The following SYT14 variants were observed in gnomAD, a reference collection of about 807,000 sequenced individuals.
SYT14 encodes the protein synaptotagmin-14.
Under a neutral mutation model 74.2 loss-of-function variants are expected in SYT14, and 32 were observed. That is an observed-to-expected ratio of 0.43 (90% CI 0.33 to 0.58). SYT14 has a LOEUF of 0.58. Ranked by LOEUF, SYT14 falls within the 20% of genes least tolerant of loss-of-function variation. The pLI is 0.05. For synonymous variants in SYT14, 298 were observed against 337.7 expected, an observed-to-expected ratio of 0.88 and a Z score of 1.29; for missense variants, 791 against 981.8, an observed-to-expected ratio of 0.81 and a Z score of 2.60.
At chr1:209,943,676 G>A (rs1000734861) in intron 1 of SYT14, among the ~76,000 whole-genome samples, 1 of 152,078 alleles carries the variant, frequency 6.6e-6, no homozygotes, top group African/African-American at 2.4e-5. Flanking sequence ...CATAGTATAT[G>A]TGTGGTAGTA....
chr1:210,054,455 ATTC>A (rs1445389794), intron 5 of SYT14, among the ~76,000 whole-genome samples: 1 of 152,184 alleles, frequency 6.6e-6, no homozygotes, highest in Non-Finnish European at 1.5e-5. Flanking sequence ...CACTAAGGAT[ATTC>A]TTTTCTTCCA....
intron 7 of SYT14, among the ~76,000 whole-genome samples, chr1:210,124,214 T>C (rs752018089): frequency 1.6e-4 from 25 of 151,646 alleles, no homozygotes; most frequent in South Asian, 6.3e-4. Flanking sequence ...CAGAAAAAGT[T>C]TGCTAACCCA....
chr1:209,955,564 C>G (rs1322474266), intron 2 of SYT14, among the ~76,000 whole-genome samples: 1 of 152,046 alleles, frequency 6.6e-6, no homozygotes, highest in African/African-American at 2.4e-5. Context: ...TCATAGTTTT[C>G]TAACTGGTTT....
chr1:210,015,080 A>C (rs1432738354), intron 3 of SYT14, among the ~76,000 whole-genome samples: 3 of 152,120 alleles, frequency 2.0e-5, no homozygotes, highest in Non-Finnish European at 2.9e-5. Context: ...ATCATCTTTA[A>C]ATTTTACAAA....
chr1:210,148,680 A>G (rs1408676755), intron 7 of SYT14, among the ~76,000 whole-genome samples: 3 of 152,220 alleles, frequency 2.0e-5, no homozygotes, highest in Non-Finnish European at 4.4e-5. Context: ...GATTATCATT[A>G]AAGAAATTCA....
intron 5 of SYT14, among the ~76,000 whole-genome samples, chr1:210,079,514 T>C (rs770104589): frequency 1.8e-4 from 27 of 152,168 alleles, no homozygotes; most frequent in Non-Finnish European, 3.5e-4. Flanking sequence ...CAAAAACCAC[T>C]TGTGGCTCAT....
chr1:210,125,164 A>G (rs1455538795), intron 7 of SYT14, among the ~76,000 whole-genome samples: 1 of 152,004 alleles, frequency 6.6e-6, no homozygotes, highest in Non-Finnish European at 1.5e-5. Flanking sequence ...CCCATCACCC[A>G]AGTAGTGAGC....
At chr1:209,963,915 C>T (rs2079114086) in intron 2 of SYT14, among the ~76,000 whole-genome samples, 1 of 152,172 alleles carries the variant, frequency 6.6e-6, no homozygotes, top group South Asian at 2.1e-4. Flanking sequence ...ATATTAATCT[C>T]TAACTGATCA....
intron 1 of SYT14, among the ~76,000 whole-genome samples, chr1:209,938,803 C>T (rs540314919): frequency 6.6e-6 from 1 of 152,122 alleles, no homozygotes; most frequent in Non-Finnish European, 1.5e-5. Context: ...GGGTTACACT[C>T]TCTGCCCGTT....
intron 2 of SYT14, among the ~76,000 whole-genome samples, chr1:209,956,852 GTTGTT>G (rs552370421): frequency 3.9e-5 from 6 of 152,048 alleles, no homozygotes; most frequent in South Asian, 2.1e-4. Context: ...ATGTAATAGG[GTTGTT>G]TTGTTTTGTT....
intron 7 of SYT14, among the ~76,000 whole-genome samples, chr1:210,105,794 A>G (rs2082146916): frequency 1.3e-5 from 2 of 152,070 alleles, no homozygotes; most frequent in South Asian, 4.1e-4. Context: ...CGTCCTCACG[A>G]TAGTAAATTA....
chr1:209,943,499 A>T (rs572356522), intron 1 of SYT14, among the ~76,000 whole-genome samples: 19 of 116,462 alleles, frequency 1.6e-4, no homozygotes. Context: ...ACAGAGCGAG[A>T]TTCAATCTCA....
intron 5 of SYT14, among the ~76,000 whole-genome samples, chr1:210,023,509 A>G (rs1485209711): frequency 6.6e-6 from 1 of 151,732 alleles, no homozygotes; most frequent in Non-Finnish European, 1.5e-5. Context: ...ATGCCCAGCT[A>G]ATTTTTGTAT....
At chr1:210,131,318 C>G (rs2082668504) in intron 7 of SYT14, among the ~76,000 whole-genome samples, 1 of 152,072 alleles carries the variant, frequency 6.6e-6, no homozygotes, top group Non-Finnish European at 1.5e-5. Context: ...TTTTGTCCCT[C>G]TGAACGTCTT....
intron 3 of SYT14, among the ~76,000 whole-genome samples, chr1:210,014,315 A>G (rs1183019386): frequency 1.3e-5 from 2 of 150,830 alleles, no homozygotes; most frequent in South Asian, 2.1e-4. Context: ...ATAGTGTTCC[A>G]CTCCCTCCCT....
chr1:210,044,359 C>T (rs965953794), intron 5 of SYT14, among the ~76,000 whole-genome samples: 5 of 152,114 alleles, frequency 3.3e-5, no homozygotes, highest in African/African-American at 1.2e-4. Flanking sequence ...GTTTTACTAC[C>T]CGGAACTCAT....
exon 10 of SYT14, chr1:210,167,100 T>A (rs2102742929): frequency 6.6e-6 from 1 of 152,352 alleles, no homozygotes; most frequent in East Asian, 1.9e-4. Flanking sequence ...ATCTTTACAA[T>A]GATGGATATA....
intron 7 of SYT14, among the ~76,000 whole-genome samples, chr1:210,115,442 C>G (rs1397388880): frequency 6.6e-6 from 1 of 151,324 alleles, no homozygotes; most frequent in Non-Finnish European, 1.5e-5. Context: ...TCAGACACCT[C>G]TGAAACATGG....
chr1:210,055,178 G>C (rs2081072431), intron 5 of SYT14, among the ~76,000 whole-genome samples: 1 of 152,114 alleles, frequency 6.6e-6, no homozygotes, highest in South Asian at 2.1e-4. Context: ...TTCTGATCCT[G>C]TCTTCAGTGA....
Sources: gnomAD v4.1 joint callset for allele counts (sites outside exome capture counted in the v4.1 genomes callset) on GRCh38, gnomAD v4.1.1 for gene constraint, MANE v1.5 for transcripts, NCBI Gene and HGNC (gene_info 2026-07-23, HGNC 2026-07-21) for gene names.